PLEKHA7: variants seen among roughly 807,000 people sequenced by gnomAD.
PLEKHA7 encodes the protein pleckstrin homology domain containing A7.
In PLEKHA7, 104 loss-of-function variants were observed where a neutral mutation model predicts 170.0. That is an observed-to-expected ratio of 0.61 (90% CI 0.52 to 0.72). PLEKHA7 has a LOEUF of 0.72. Ranked by LOEUF, PLEKHA7 falls within the 30% of genes least tolerant of loss-of-function variation. The pLI, the probability that PLEKHA7 is intolerant of heterozygous loss-of-function variation, is 0.00. For missense variants in PLEKHA7, 1,615 were observed against 1,671.7 expected (o/e 0.97, Z 0.59); for synonymous variants, 648 against 660.8 (o/e 0.98, Z 0.30).
chr11:16,874,852 T>A (rs1855153217), intron 3 of PLEKHA7, among the ~76,000 whole-genome samples: 1 of 152,176 alleles, frequency 6.6e-6, no homozygotes, highest in Non-Finnish European at 1.5e-5. Context: ...GCAAATCTTC[T>A]ATGTGCCTGG....
chr11:16,890,289 C>A (rs1856526185), intron 3 of PLEKHA7, among the ~76,000 whole-genome samples: 1 of 152,082 alleles, frequency 6.6e-6, no homozygotes, highest in Non-Finnish European at 1.5e-5. Flanking sequence ...CAAGAACAAA[C>A]CTCACATAGC....
chr11:16,906,625 T>C (rs1338889003), intron 3 of PLEKHA7, among the ~76,000 whole-genome samples: 2 of 138,454 alleles, frequency 1.4e-5, no homozygotes, highest in Non-Finnish European at 3.0e-5. Flanking sequence ...ACTCACTCAG[T>C]GTTCAGTGGT....
chr11:16,861,081 C>T (rs914693178), intron 4 of PLEKHA7, among the ~76,000 whole-genome samples: 1 of 152,214 alleles, frequency 6.6e-6, no homozygotes, highest in Non-Finnish European at 1.5e-5. Flanking sequence ...CTCCAGAAAG[C>T]TCAAGGTGCC....
chr11:16,999,428 T>C (rs1195710678), intron 3 of PLEKHA7, among the ~76,000 whole-genome samples: 1 of 151,842 alleles, frequency 6.6e-6, no homozygotes, highest in African/African-American at 2.4e-5. Context: ...CATTCAGTGG[T>C]CACTCACAAG....
intron 10 of PLEKHA7, among the ~76,000 whole-genome samples, chr11:16,818,208 G>A (rs1342534912): frequency 2.6e-5 from 4 of 152,208 alleles, no homozygotes; most frequent in Admixed American, 6.5e-5. Context: ...CTGGCTTTGT[G>A]ACCCTAGGCA....
intron 9 of PLEKHA7, 34 bp downstream of exon 9, chr11:16,841,513 G>A (rs554118782): frequency 3.1e-6 from 5 of 1,598,902 alleles, no homozygotes; most frequent in African/African-American, 2.7e-5. Context: ...TAGTGTAGGA[G>A]GTGCTGTGGC....
intron 3 of PLEKHA7, among the ~76,000 whole-genome samples, chr11:16,906,591 G>A (rs1404718477): frequency 9.4e-5 from 13 of 138,800 alleles, no homozygotes; most frequent in Admixed American, 7.1e-5. Context: ...CCGAGGTGCC[G>A]GGATGGCAGA....
At position 16,892,619 on chromosome 11, in the gene PLEKHA7, C is replaced by CTTTT. The variant is rs10674972; in HGVS notation, c.222-21441_222-21438dup. Among the ~76,000 whole-genome samples, 574 of 82,326 alleles carry CTTTT rather than the reference C, an allele frequency of 7.0e-3. 19 individuals carry two copies. Among genetic ancestry groups the CTTTT allele is most frequent in the African/African-American group, 0.027 (520 of 19,078 alleles). 54.0% of individuals were successfully genotyped at this position (82,326 alleles called of 152,430 possible). A position where few individuals can be genotyped will look rare whatever the true frequency, so the allele number is the denominator to read the frequency against. ...TGCCACCATGCCCAGCTTCCAGCTT[C>CTTTT]TTTTTTTTTTTTTTTTTTTTTTCGT... is the stretch of plus-strand genomic sequence containing the variant. On this transcript the variant is annotated intron_variant, in intron 3 of 26. Transcript: ENST00000531066.
chr11:17,000,461 CTTT>C (rs1477688314), intron 3 of PLEKHA7, among the ~76,000 whole-genome samples: 2 of 152,278 alleles, frequency 1.3e-5, no homozygotes, highest in Non-Finnish European at 2.9e-5. Flanking sequence ...GAAATAGTTT[CTTT>C]GACATTTGGC....
At chr11:16,795,542 C>T (rs903789742) in intron 17 of PLEKHA7, among the ~76,000 whole-genome samples, 8 of 152,086 alleles carry the variant, frequency 5.3e-5, no homozygotes, top group Admixed American at 4.6e-4. Flanking sequence ...CTGTTATCCC[C>T]GCACTTTGGG....
chr11:16,945,940 G>A (rs1180903517), intron 3 of PLEKHA7, among the ~76,000 whole-genome samples: 8 of 152,192 alleles, frequency 5.3e-5, no homozygotes, highest in Non-Finnish European at 1.0e-4. Context: ...CTAGGTAACC[G>A]GTGCTCTTTG....
At chr11:16,890,800 C>A (rs1019530597) in intron 3 of PLEKHA7, among the ~76,000 whole-genome samples, 1 of 152,120 alleles carries the variant, frequency 6.6e-6, no homozygotes, top group African/African-American at 2.4e-5. Context: ...AATTAATGTC[C>A]TGCCTTAAAA....
chr11:16,887,842 T>C (rs1367515749), intron 3 of PLEKHA7, among the ~76,000 whole-genome samples: 2 of 151,714 alleles, frequency 1.3e-5, no homozygotes, highest in African/African-American at 2.4e-5. Flanking sequence ...GGAGCGTCTC[T>C]GCCTGGCCGC....
At chr11:16,866,812 A>G (rs1854434607) in intron 4 of PLEKHA7, among the ~76,000 whole-genome samples, 1 of 152,038 alleles carries the variant, frequency 6.6e-6, no homozygotes, top group Non-Finnish European at 1.5e-5. Flanking sequence ...CAGCTTTCAC[A>G]TTATTTCTTT....
chr11:17,012,147 T>C (rs1411556456), intron 3 of PLEKHA7, among the ~76,000 whole-genome samples: 1 of 152,120 alleles, frequency 6.6e-6, no homozygotes, highest in African/African-American at 2.4e-5. Context: ...CAATCCAATC[T>C]CCTCACAGTG....
chr11:16,822,501 GGAAAA>G (rs1366341483), intron 10 of PLEKHA7, among the ~76,000 whole-genome samples: 8 of 126,348 alleles, frequency 6.3e-5, no homozygotes, highest in South Asian at 2.7e-4. Flanking sequence ...TTTTGGTAGG[GGAAAA>G]AAAAAAAAAA....
At chr11:16,986,472 G>T (rs1290671866) in intron 3 of PLEKHA7, among the ~76,000 whole-genome samples, 1 of 152,146 alleles carries the variant, frequency 6.6e-6, no homozygotes, top group Non-Finnish European at 1.5e-5. Flanking sequence ...CTGCAAAGCT[G>T]CTGGGGAGAT....
chr11:16,979,172 C>A (rs1489939041), intron 3 of PLEKHA7, among the ~76,000 whole-genome samples: 1 of 152,160 alleles, frequency 6.6e-6, no homozygotes, highest in Admixed American at 6.5e-5. Flanking sequence ...GCTGGGATTA[C>A]AGGCGCGCTA....
rs937055662 is a variant in PLEKHA7 at position 16,778,293 on chromosome 11, C to T, written c.*705G>A. Reference sequence around the variant, plus strand: ...CTCAAAAAAAAAAAAAGATAGCAAACTGCTTTTTTCTTTCTGACAAGAGCC... The same window carrying T: ...CTCAAAAAAAAAAAAAGATAGCAAATTGCTTTTTTCTTTCTGACAAGAGCC... On this transcript the variant is annotated 3_prime_UTR_variant, in exon 27 of 27. Coordinates refer to ENST00000531066, the MANE Select transcript of PLEKHA7 (RefSeq NM_001329630.2). The T allele has an allele frequency of 6.6e-6, 1 of 152,562 alleles. No individual in the cohort carries two copies. Among genetic ancestry groups the T allele is most frequent in the Non-Finnish European group, 1.5e-5 (1 of 68,444 alleles). The allele number at this position is 152,562 out of a possible 1,614,324, so 9.5% of individuals were successfully genotyped here. A position where few individuals can be genotyped will look rare whatever the true frequency, so the allele number is the denominator to read the frequency against.
Sources: allele counts gnomAD v4.1 joint callset (sites outside exome capture counted in the v4.1 genomes callset), GRCh38; gene constraint gnomAD v4.1.1; transcripts MANE v1.5; gene names NCBI Gene and HGNC (gene_info 2026-07-23, HGNC 2026-07-21).